ADAP1: variants seen among roughly 807,000 people sequenced by gnomAD.
ADAP1 encodes the protein ArfGAP with dual PH domains 1, also known as arf-GAP with dual PH domain-containing protein 1.
ADAP1 carries 31 observed loss-of-function variants against 54.9 expected under a neutral mutation model. The observed-to-expected ratio is 0.56, with a 90% CI of 0.42 to 0.76. The LOEUF (loss-of-function observed/expected upper bound fraction) is 0.76. ADAP1 is among the 30% of genes least tolerant of loss of function. The pLI is 0.00. For missense variants in ADAP1, 535 were observed against 512.4 expected, an observed-to-expected ratio of 1.04 and a Z score of -0.42; for synonymous variants, 313 against 202.6, an observed-to-expected ratio of 1.55 and a Z score of -4.63.
In ADAP1 at chr7:904,971, G is replaced by A. The variant is rs146912737; in HGVS notation, c.501+89C>T. On this transcript the variant is annotated intron_variant, in intron 5 of 10. Transcript: ENST00000265846. ...GGGGGGCAGCAGGGAGGGCAGCTGCGGATGGACGCGGCCACCACAGGCCCC... is the reference window on the plus strand; with the variant it reads ...GGGGGGCAGCAGGGAGGGCAGCTGCAGATGGACGCGGCCACCACAGGCCCC... The A allele has an allele frequency of 4.5e-3, 5,250 of 1,157,282 alleles. 21 individuals are homozygous for A. The highest frequency in any genetic ancestry group is 6.7e-3 in the Middle Eastern group (29 of 4,310). The allele number at this position is 1,157,282 out of a possible 1,614,324, so 71.7% of individuals were successfully genotyped here.
At chr7:906,910 C>T (rs1845486630) in intron 4 of ADAP1, among the ~76,000 whole-genome samples, 2 of 143,654 alleles carry the variant, frequency 1.4e-5, no homozygotes, top group African/African-American at 5.1e-5. Context: ...CTGAGGACGG[C>T]CTGGATGAGC....
chr7:901,652 G>A (rs1257781253), intron 6 of ADAP1, among the ~76,000 whole-genome samples: 1 of 95,948 alleles, frequency 1.0e-5, no homozygotes, highest in African/African-American at 4.2e-5. Context: ...CACCCCGACT[G>A]CCCCTCATCG....
At chr7:934,976 CTCTGGGTCGTG>C (rs926681052) in intron 2 of ADAP1, among the ~76,000 whole-genome samples, 3 of 152,248 alleles carry the variant, frequency 2.0e-5, no homozygotes, top group African/African-American at 7.2e-5. Flanking sequence ...GCGACCCTGA[CTCTGGGTCGTG>C]CCGCGCGGCC....
At chr7:948,325 C>T (rs1847192487) in intron 1 of ADAP1, among the ~76,000 whole-genome samples, 1 of 152,132 alleles carries the variant, frequency 6.6e-6, no homozygotes, top group South Asian at 2.1e-4. Context: ...TCTGTACCCA[C>T]CGAGGCCTGA....
At chr7:906,689 G>GGGC (rs1845418052) in intron 4 of ADAP1, among the ~76,000 whole-genome samples, 1 of 51,122 alleles carries the variant, frequency 2.0e-5, no homozygotes, top group African/African-American at 8.6e-5. Context: ...AGGGGACACG[G>GGGC]GGGACATGGA....
chr7:905,746 AGGG>A lies in ADAP1; in HGVS notation c.389-577_389-575del, dbSNP rs1201977914. On this transcript the variant is annotated intron_variant, in intron 4 of 10. Transcript: ENST00000265846. ...AGGGAAAGGAGAAAGGGAAAGGAGA[AGGG>A]AGAAGGGAGAAGGGAGAAAGGAGAA... is the stretch of plus-strand genomic sequence containing the variant. 5 of 69,066 alleles carry A rather than the reference AGGG, an allele frequency of 7.2e-5. 1 individual carries two copies. The highest frequency in any genetic ancestry group is 2.3e-4 in the African/African-American group (4 of 17,618). The allele number at this position is 69,066 out of a possible 1,614,324, so 4.3% of individuals were successfully genotyped here.
At chr7:930,546 C>T (rs1396514416) in intron 2 of ADAP1, among the ~76,000 whole-genome samples, 3 of 151,526 alleles carry the variant, frequency 2.0e-5, no homozygotes, top group South Asian at 2.1e-4. Context: ...AGGGCTGGCG[C>T]GGTGGCTCAC....
Position 920,699 on chromosome 7 carries a change from A to G in ADAP1, c.306-649T>C. 1 of 1,137,390 alleles carries G rather than the reference A, an allele frequency of 8.8e-7. No homozygotes were observed. The highest frequency in any genetic ancestry group is 1.2e-6 in the Non-Finnish European group (1 of 804,150). 70.5% of individuals were successfully genotyped at this position (1,137,390 alleles called of 1,614,324 possible). On this transcript the variant is annotated intron_variant, in intron 3 of 10. Transcript: ENST00000265846. This position sits in a 1 kb window ranked among gnomAD's most constrained non-coding sequence, Gnocchi z 4.5. ...GAAGCCCCCGAGAGTAAAGCCCGGG[A>G]CGAGGGCCCCCCACGGCACCCACTG...
In ADAP1 at chr7:945,077, G is replaced by C. The variant is rs1398199019; in HGVS notation, c.82+9319C>G. On this transcript the variant is annotated intron_variant, in intron 1 of 10. Transcript: ENST00000265846. The surrounding 1 kb of genome is among the most constrained non-coding windows in gnomAD (Gnocchi z 4.2). ...GTGTGCAGGTGTGTGTGTGTGCAAG[G>C]AGATGGGGAGCTAGAGTCCCCCAGC... Among the ~76,000 whole-genome samples, 1 of 152,110 alleles carries C rather than the reference G, an allele frequency of 6.6e-6. No homozygotes were observed. Among genetic ancestry groups the C allele is most frequent in the African/African-American group, 2.4e-5 (1 of 41,422 alleles).
intron 3 of ADAP1, among the ~76,000 whole-genome samples, chr7:925,231 C>G (rs1178322176): frequency 1.3e-5 from 2 of 152,014 alleles, no homozygotes; most frequent in Admixed American, 1.3e-4. Flanking sequence ...AGCCCCTGCT[C>G]CCCGAAGACC....
intron 2 of ADAP1, among the ~76,000 whole-genome samples, chr7:933,078 C>A (rs1846633875): frequency 6.6e-6 from 1 of 151,962 alleles, no homozygotes; most frequent in Non-Finnish European, 1.5e-5. Flanking sequence ...TCAAGACCAG[C>A]CTTGCCAACA....
intron 4 of ADAP1, among the ~76,000 whole-genome samples, chr7:918,421 G>A (rs999505445): frequency 2.6e-5 from 4 of 152,120 alleles, no homozygotes; most frequent in African/African-American, 9.7e-5. Context: ...CTTAGATGTT[G>A]CCCAGGCTTG....
intron 6 of ADAP1, chr7:900,882 A>AAGGGC: frequency 2.7e-6 from 1 of 370,256 alleles, no homozygotes. Flanking sequence ...CGAAGGGCCG[A>AAGGGC]AGGGCCGGGC....
At chr7:932,073 G>C (rs1286157102) in intron 2 of ADAP1, among the ~76,000 whole-genome samples, 1 of 152,238 alleles carries the variant, frequency 6.6e-6, no homozygotes, top group Non-Finnish European at 1.5e-5. Context: ...GGTGCTCTCA[G>C]GAGACAAGCC....
At chr7:949,012 C>T (rs1157945840) in intron 1 of ADAP1, among the ~76,000 whole-genome samples, 2 of 152,152 alleles carry the variant, frequency 1.3e-5, no homozygotes, top group Non-Finnish European at 2.9e-5. Context: ...ACAATTCTTA[C>T]TCTACCCTCG....
intron 1 of ADAP1, among the ~76,000 whole-genome samples, chr7:950,937 A>G (rs921555202): frequency 6.6e-6 from 1 of 151,006 alleles, no homozygotes; most frequent in Non-Finnish European, 1.5e-5. Context: ...GGAAATCTGG[A>G]GCCCTTGTTG....
intron 1 of ADAP1, among the ~76,000 whole-genome samples, chr7:936,216 A>AT (rs57738487): frequency 6.6e-6 from 1 of 151,304 alleles, no homozygotes; most frequent in African/African-American, 2.4e-5. Context: ...AGGGAGCAGA[A>AT]TTTTTTTTGA....
intron 2 of ADAP1, chr7:927,349 C>A (rs563818924): frequency 1.2e-6 from 1 of 830,544 alleles, no homozygotes; most frequent in South Asian, 1.6e-5. Flanking sequence ...AATGACCCTG[C>A]CGCCAGCCAG....
Position 900,098 on chromosome 7 carries a change from C to G in ADAP1, c.795+4G>C. 6.2e-7 allele frequency: 1 copy of G among 1,613,112 alleles called. No individual in the cohort carries two copies. Among genetic ancestry groups the G allele is most frequent in the South Asian group, 1.1e-5 (1 of 91,088 alleles). On this transcript the variant is annotated splice_donor_region_variant and intron_variant, in intron 8 of 10. Coordinates refer to ENST00000265846, the MANE Select transcript of ADAP1 (RefSeq NM_006869.4). ...ACCCCAGGCCGCACGTGCGGCACAC[C>G]CACCTTGGGCCCCGTCTTCTCCATG...
Sources: gnomAD v4.1 joint callset for allele counts (sites outside exome capture counted in the v4.1 genomes callset) on GRCh38, gnomAD v4.1.1 for gene constraint, Gnocchi (gnomAD v3.1) non-coding constraint, MANE v1.5 for transcripts, NCBI Gene and HGNC (gene_info 2026-07-23, HGNC 2026-07-21) for gene names.